The following STIM1 variants were observed in gnomAD, a reference collection of about 807,000 sequenced individuals.
The protein encoded by STIM1 is stromal interaction molecule 1.
STIM1 carries 25 observed loss-of-function variants against 74.7 expected under a neutral mutation model. The ratio of observed to expected loss-of-function variants is 0.33; its 90% confidence interval spans 0.24 to 0.47. STIM1 has a LOEUF of 0.47. STIM1 is among the 20% of genes least tolerant of loss of function. The probability of loss-of-function intolerance (pLI) is 1.00; values close to 1 mark genes in which losing one functional copy is unlikely to be tolerated. For synonymous variants in STIM1, 328 were observed against 348.8 expected, an observed-to-expected ratio of 0.94 and a Z score of 0.66; for missense variants, 728 against 920.8, an observed-to-expected ratio of 0.79 and a Z score of 2.71.
chr11:3,958,334 C>A (rs1350882405), intron 1 of STIM1, among the ~76,000 whole-genome samples: 1 of 151,956 alleles, frequency 6.6e-6, no homozygotes, highest in South Asian at 2.1e-4. Context: ...ATAACAAGAC[C>A]CCCCTCTCAA....
chr11:3,950,636 A>T (rs917087153), intron 1 of STIM1, among the ~76,000 whole-genome samples: 4 of 151,642 alleles, frequency 2.6e-5, no homozygotes, highest in Non-Finnish European at 5.9e-5. Context: ...ATTTTATTTT[A>T]TTTTTTTGAG....
intron 6 of STIM1, 61 bp downstream of exon 6, chr11:4,070,264 C>T: frequency 1.2e-6 from 2 of 1,601,738 alleles, no homozygotes; most frequent in East Asian, 2.2e-5. Flanking sequence ...CTCCTATTTC[C>T]ACCTGGGTGT....
Position 3,973,048 on chromosome 11 carries a change from C to A in STIM1, c.270+5366C>A, listed in dbSNP as rs1290584805. 3 of 459,064 alleles carry A rather than the reference C, an allele frequency of 6.5e-6. No homozygotes were observed. The East Asian group carries it at 1.7e-4, about 27-fold the overall frequency. The allele number at this position is 459,064 out of a possible 1,614,324, so 28.4% of individuals were successfully genotyped here. ...GTTGTTATAGCTGTGAGAGCTGACA[C>A]TCCTGCTGTAGCCACTGCCCTGATT... On this transcript the variant is annotated intron_variant, in intron 2 of 12. Transcript: ENST00000526596.
At chr11:3,857,100 T>TTTTTTTG in intron 1 of STIM1, among the ~76,000 whole-genome samples, 2 of 114,830 alleles carry the variant, frequency 1.7e-5, no homozygotes, top group African/African-American at 6.2e-5. Flanking sequence ...CTACAGGTTT[T>TTTTTTTG]TTTTTTTGTT....
At position 4,082,229 on chromosome 11, in the gene STIM1, A is replaced by G; in HGVS notation, c.1015A>G (p.Ser339Gly). 5 of 1,614,084 alleles carry G rather than the reference A, an allele frequency of 3.1e-6. No homozygotes were observed. The highest frequency in any genetic ancestry group is 4.2e-6 in the Non-Finnish European group (5 of 1,180,036). The change falls in exon 8 of 13, where the codon AGC (serine) becomes GGC (glycine). Residue 339 changes from serine to glycine, a missense_variant. This residue lies in a region of STIM1 where 131 missense variants were observed against 235.9 expected (regional missense o/e 0.56). Coordinates refer to ENST00000526596, the MANE Select transcript of STIM1 (RefSeq NM_001382567.1). ...RKAEKELESHSSWYAPEALQK... is the reference protein window; with the variant it reads ...RKAEKELESHGSWYAPEALQK... Reference sequence around the variant, plus strand: ...AGCAGAGAAGGAGCTAGAATCTCACAGCTCATGGTATGCTCCAGAGGCCCT... The same window carrying G: ...AGCAGAGAAGGAGCTAGAATCTCACGGCTCATGGTATGCTCCAGAGGCCCT...
At chr11:4,007,559 G>GAGAT (rs1296494109) in intron 2 of STIM1, among the ~76,000 whole-genome samples, 1 of 152,172 alleles carries the variant, frequency 6.6e-6, no homozygotes, top group South Asian at 2.1e-4. Context: ...TTTGGCAGGG[G>GAGAT]AGATAGACAT....
chr11:4,059,705 T>A (rs2094317239), intron 5 of STIM1, among the ~76,000 whole-genome samples: 1 of 152,158 alleles, frequency 6.6e-6, no homozygotes, highest in South Asian at 2.1e-4. Flanking sequence ...AGGTACACAG[T>A]ACTTCTGAGG....
chr11:3,889,458 C>G (rs1590530762), intron 1 of STIM1, among the ~76,000 whole-genome samples: 1 of 151,776 alleles, frequency 6.6e-6, no homozygotes, highest in South Asian at 2.1e-4. Flanking sequence ...ACCTTCACCT[C>G]CTGGGTCCAA....
At chr11:3,910,653 G>C (rs1329462369) in intron 1 of STIM1, among the ~76,000 whole-genome samples, 4 of 152,066 alleles carry the variant, frequency 2.6e-5, no homozygotes, top group Non-Finnish European at 5.9e-5. Context: ...TAAAAATGGT[G>C]AATGTTATAT....
At chr11:4,066,805 T>C (rs184811501) in intron 5 of STIM1, among the ~76,000 whole-genome samples, 2 of 152,346 alleles carry the variant, frequency 1.3e-5, no homozygotes, top group East Asian at 3.9e-4. Flanking sequence ...GAAGGCTTTG[T>C]GGGCAATGGT....
rs199513192 is a variant in STIM1, at chr11:4,055,539, C to T, written c.399C>T (p.Thr133=). ...AWKSSEVYNW[T]VDEVVQWLIT... is the part of the protein sequence containing the mutation. The stretch of plus-strand genomic sequence containing the variant: ...CTCTTTTCACAGTATACAATTGGAC[C>T]GTGGATGAGGTGGTACAGTGGCTGA... The change falls in exon 4 of 13, where the codon ACC becomes ACT. Residue 133 remains threonine, a synonymous_variant. Transcript: ENST00000526596. 41 of 1,597,888 alleles carry T rather than the reference C, an allele frequency of 2.6e-5. No individual in the cohort carries two copies. The highest frequency in any genetic ancestry group is 3.4e-5 in the Admixed American group (2 of 58,026).
At chr11:3,879,422 A>G (rs1248015487) in intron 1 of STIM1, among the ~76,000 whole-genome samples, 1 of 152,208 alleles carries the variant, frequency 6.6e-6, no homozygotes, top group East Asian at 1.9e-4. Flanking sequence ...TCACCTAATT[A>G]TCTACTGTTT....
At chr11:3,887,307 C>G (rs1327854586) in intron 1 of STIM1, among the ~76,000 whole-genome samples, 3 of 152,184 alleles carry the variant, frequency 2.0e-5, no homozygotes, top group African/African-American at 7.2e-5. Flanking sequence ...AACAAATAAA[C>G]CTTTAAGCAT....
chr11:3,862,865 T>TACAC (rs201141361), intron 1 of STIM1, among the ~76,000 whole-genome samples: 1 of 150,198 alleles, frequency 6.7e-6, no homozygotes, highest in Non-Finnish European at 1.5e-5. Flanking sequence ...TATCTGTAAG[T>TACAC]ACACACACAC....
At chr11:3,961,351 G>A (rs2093283199) in intron 1 of STIM1, 2 of 242,130 alleles carry the variant, frequency 8.3e-6, no homozygotes, top group Non-Finnish European at 9.0e-6. Context: ...AGATGAGGAA[G>A]GACTGAAACA....
chr11:3,971,156 G>A (rs1590611595), intron 2 of STIM1, among the ~76,000 whole-genome samples: 1 of 151,640 alleles, frequency 6.6e-6, no homozygotes, highest in South Asian at 2.1e-4. Flanking sequence ...CAGGAGGACT[G>A]CTTGAGGCCA....
intron 2 of STIM1, among the ~76,000 whole-genome samples, chr11:3,992,092 T>G (rs1427292774): frequency 3.0e-5 from 4 of 134,768 alleles, no homozygotes; most frequent in East Asian, 4.0e-4. Flanking sequence ...TTTTTTTGTT[T>G]TTTTTTTTTT....
chr11:3,946,198 T>C (rs2093071302), intron 1 of STIM1, among the ~76,000 whole-genome samples: 1 of 152,220 alleles, frequency 6.6e-6, no homozygotes, highest in South Asian at 2.1e-4. Context: ...ATTTTCCTTA[T>C]ACAATACTAA....
chr11:3,908,051 T>C (rs1248122949), intron 1 of STIM1, among the ~76,000 whole-genome samples: 1 of 152,186 alleles, frequency 6.6e-6, no homozygotes, highest in Non-Finnish European at 1.5e-5. Flanking sequence ...ATCTGGCATA[T>C]TTATTGGTCA....
Sources: gnomAD v4.1 joint callset for allele counts (sites outside exome capture counted in the v4.1 genomes callset) on GRCh38, gnomAD v4.1.1 for gene constraint, gnomAD v4.1.1 regional missense constraint, MANE v1.5 for transcripts, NCBI Gene and HGNC (gene_info 2026-07-23, HGNC 2026-07-21) for gene names.